Variants in MRTFB observed in about 807,000 individuals in gnomAD.
MRTFB encodes myocardin related transcription factor B, also known as myocardin-related transcription factor B.
Under a neutral mutation model 104.2 loss-of-function variants are expected in MRTFB, and 29 were observed. The ratio of observed to expected loss-of-function variants is 0.28; its 90% CI spans 0.21 to 0.38. The LOEUF (loss-of-function observed/expected upper bound fraction) is 0.38, where lower values mean the gene tolerates loss of function less well. MRTFB is among the 10% of genes least tolerant of loss of function. MRTFB has a pLI of 1.00. For synonymous variants in MRTFB, 535 were observed against 519.5 expected, an observed-to-expected ratio of 1.03 and a Z score of -0.41; for missense variants, 1,270 against 1,341.6, an observed-to-expected ratio of 0.95 and a Z score of 0.83.
intron 3 of MRTFB, among the ~76,000 whole-genome samples, chr16:14,198,840 T>C (rs2040554765): frequency 6.6e-6 from 1 of 152,242 alleles, no homozygotes; most frequent in South Asian, 2.1e-4. Flanking sequence ...ATAAAGGATG[T>C]CTTTGTACAT....
At position 14,245,580 on chromosome 16, in the gene MRTFB, A is replaced by G; in HGVS notation, c.1132A>G (p.Thr378Ala). Residue 378 changes from threonine (T) to alanine (A), a missense_variant, in exon 11 of 17, where the codon ACA becomes GCA. Thr to Ala is a moderately conservative substitution (Grantham distance 58, BLOSUM62 0). This residue lies in a region of MRTFB where 1,144 missense variants were observed against 1,131.5 expected (regional missense o/e 1.01). Coordinates refer to ENST00000571589, the MANE Select transcript of MRTFB (RefSeq NM_001308142.2). ...NSGNSALNNA[T>A]PNTPRQNTST... ...TGGGAATTCAGCTTTGAACAATGCCACACCTAACACACCAAGACAGAATAC... is the reference window on the plus strand; with the variant it reads ...TGGGAATTCAGCTTTGAACAATGCCGCACCTAACACACCAAGACAGAATAC... 1 of 1,614,140 alleles carries G rather than the reference A, an allele frequency of 6.2e-7. No individual in the cohort carries two copies. The highest frequency in any genetic ancestry group is 1.1e-5 in the South Asian group (1 of 91,074).
chr16:14,126,649 G>A lies in MRTFB; in HGVS notation c.-63-13895G>A, dbSNP rs143717828. Among the ~76,000 whole-genome samples, 642 of 152,180 alleles carry A rather than the reference G, an allele frequency of 4.2e-3. 6 individuals carry two copies. The highest frequency in any genetic ancestry group is 5.3e-3 in the Non-Finnish European group (362 of 68,000). On this transcript the variant is annotated intron_variant, in intron 2 of 16. Transcript: ENST00000571589. ...TGATTTATTCATAGCTCTGCTGTGC[G>A]CCTCACATCTATTATCTCTTCAATT...
intron 10 of MRTFB, chr16:14,241,049 A>G: frequency 4.2e-6 from 2 of 477,952 alleles, no homozygotes; most frequent in Non-Finnish European, 3.7e-6. Flanking sequence ...TAAAAAGTGG[A>G]AGACAAAAAT....
At position 14,263,007 on chromosome 16, in the gene MRTFB, T is replaced by C. The variant is rs2043826610; in HGVS notation, c.*1563T>C. 2 of 152,610 alleles carry C rather than the reference T, an allele frequency of 1.3e-5. No individual in the cohort carries two copies. 9.5% of individuals were successfully genotyped at this position (152,610 alleles called of 1,614,324 possible). On this transcript the variant is annotated 3_prime_UTR_variant, in exon 17 of 17. Transcript: ENST00000571589. ...CTGGGTTTGTGTTTTGCCTAAGAGC[T>C]GATCTTATTTCTGATTTGTGTGTGT...
At chr16:14,078,175 G>C (rs1232256833) in intron 1 of MRTFB, among the ~76,000 whole-genome samples, 1 of 152,104 alleles carries the variant, frequency 6.6e-6, no homozygotes, top group African/African-American at 2.4e-5. Flanking sequence ...TCTGCATGTA[G>C]CTTGTCTGTC....
At chr16:14,155,206 C>G (rs1306319571) in intron 3 of MRTFB, among the ~76,000 whole-genome samples, 3 of 148,796 alleles carry the variant, frequency 2.0e-5, no homozygotes, top group Non-Finnish European at 4.4e-5. Context: ...AGATATACCT[C>G]TTTTTTTCAA....
At chr16:14,000,383 C>T in the MRTFB span, among the ~76,000 whole-genome samples, 2 of 152,204 alleles carry the variant, frequency 1.3e-5, no homozygotes, top group African/African-American at 2.4e-5. Context: ...CCCTCCATCC[C>T]GTAGCCCCTC....
At chr16:14,059,239 CCT>C in the MRTFB span, among the ~76,000 whole-genome samples, 104 of 152,128 alleles carry the variant, frequency 6.8e-4, 1 homozygote, top group Middle Eastern at 0.01. Context: ...TATTCAAAAT[CCT>C]CTCTTCTAGC....
At chr16:14,031,602 A>C in the MRTFB span, among the ~76,000 whole-genome samples, 1 of 152,120 alleles carries the variant, frequency 6.6e-6, no homozygotes, top group East Asian at 1.9e-4. Flanking sequence ...ACATGATAAG[A>C]AATATATATA....
At chr16:14,021,032 GGTATGTCAGTGGAGGA>G in the MRTFB span, 4 of 152,186 alleles carry the variant, frequency 2.6e-5, no homozygotes, top group Non-Finnish European at 4.4e-5. Flanking sequence ...CAACCCATGT[GGTATGTCAGTGGAGGA>G]GATATTTTTA....
the MRTFB span, chr16:14,009,261 C>T: frequency 0.47 from 72,102 of 151,938 alleles, 17,441 homozygotes; most frequent in Middle Eastern, 0.62. Flanking sequence ...TATTTTTTAT[C>T]CTTTTTGATG....
chr16:14,094,491 A>G (rs933679610), intron 2 of MRTFB, among the ~76,000 whole-genome samples: 1 of 152,210 alleles, frequency 6.6e-6, no homozygotes, highest in Non-Finnish European at 1.5e-5. Context: ...AATGTGCTTC[A>G]TCTGTAGTTT....
chr16:14,110,715 T>C (rs1243333842), intron 2 of MRTFB, among the ~76,000 whole-genome samples: 2 of 152,142 alleles, frequency 1.3e-5, no homozygotes, highest in Non-Finnish European at 2.9e-5. Flanking sequence ...TGTCTTGTCT[T>C]TTTCCTTTCT....
rs1307764605 is a variant in MRTFB, at chr16:14,266,065, T to TG, written c.*4622dup. 1 of 152,218 alleles carries TG rather than the reference T, an allele frequency of 6.6e-6. No homozygotes were observed. Among genetic ancestry groups the TG allele is most frequent in the Non-Finnish European group, 1.5e-5 (1 of 68,036 alleles). 9.4% of individuals were successfully genotyped at this position (152,218 alleles called of 1,614,324 possible). ...CTTGACCTCAAGTAACCAATAGTAA[T>TG]GCAAACTTGCTTTAAAGGAACCAAA... On this transcript the variant is annotated 3_prime_UTR_variant, in exon 17 of 17. Transcript: ENST00000571589.
intron 3 of MRTFB, among the ~76,000 whole-genome samples, chr16:14,163,523 T>C (rs919015603): frequency 6.6e-6 from 1 of 152,138 alleles, no homozygotes; most frequent in Non-Finnish European, 1.5e-5. Flanking sequence ...AGTTCACATA[T>C]ATCTATATTG....
intron 2 of MRTFB, among the ~76,000 whole-genome samples, chr16:14,090,622 A>G (rs2141962208): frequency 6.6e-6 from 1 of 152,212 alleles, no homozygotes; most frequent in East Asian, 1.9e-4. Flanking sequence ...AGAATACTTT[A>G]TAGAAGAGTT....
chr16:14,162,243 A>G (rs2039069991), intron 3 of MRTFB, among the ~76,000 whole-genome samples: 1 of 151,972 alleles, frequency 6.6e-6, no homozygotes, highest in Admixed American at 6.6e-5. Context: ...CTGATGCCAG[A>G]GGATCACTTG....
intron 3 of MRTFB, among the ~76,000 whole-genome samples, chr16:14,206,789 T>A (rs532787829): frequency 6.6e-6 from 1 of 152,232 alleles, no homozygotes; most frequent in South Asian, 2.1e-4. Flanking sequence ...GATCTGCCAG[T>A]CTCGTCCCGG....
At chr16:14,111,462 A>T (rs2036262470) in intron 2 of MRTFB, among the ~76,000 whole-genome samples, 1 of 152,212 alleles carries the variant, frequency 6.6e-6, no homozygotes, top group Non-Finnish European at 1.5e-5. Flanking sequence ...TGAGGTGAAC[A>T]TTCACTAGAG....
Sources: allele counts gnomAD v4.1 joint callset (sites outside exome capture counted in the v4.1 genomes callset), GRCh38; gene constraint gnomAD v4.1.1; regional missense constraint gnomAD v4.1.1; transcripts MANE v1.5; gene names NCBI Gene and HGNC (gene_info 2026-07-23, HGNC 2026-07-21).